CSMD1: variants seen among roughly 807,000 people sequenced by gnomAD.
CSMD1 encodes CUB and sushi domain-containing protein 1.
CSMD1 carries 213 observed loss-of-function variants against 417.5 expected under a neutral mutation model. That is an observed-to-expected ratio of 0.51 (90% CI 0.46 to 0.57). The LOEUF is 0.57. CSMD1 is among the 20% of genes least tolerant of loss of function. The pLI is 0.00. For synonymous variants in CSMD1, 2,862 were observed against 1,736.8 expected (o/e 1.65, Z -16.11); for missense variants, 6,923 against 4,529.7 (o/e 1.53, Z -15.17).
intron 5 of CSMD1, among the ~76,000 whole-genome samples, chr8:3,977,759 G>T (rs149519589): frequency 6.6e-6 from 1 of 152,190 alleles, no homozygotes; most frequent in East Asian, 1.9e-4. Flanking sequence ...TTGTGAATCT[G>T]CATGTATGCT....
intron 3 of CSMD1, among the ~76,000 whole-genome samples, chr8:4,174,014 C>A (rs13274585): frequency 0.32 from 48,030 of 152,024 alleles, 9,492 homozygotes; most frequent in Non-Finnish European, 0.42. Context: ...GGATCAATCA[C>A]CATGGCCAAG....
At chr8:3,257,834 A>C (rs1473628085) in intron 26 of CSMD1, among the ~76,000 whole-genome samples, 2 of 152,174 alleles carry the variant, frequency 1.3e-5, no homozygotes, top group Non-Finnish European at 2.9e-5. Flanking sequence ...AATTGCAGGC[A>C]GCTGCAAGGG....
At chr8:4,680,948 T>A (rs951942017) in intron 1 of CSMD1, among the ~76,000 whole-genome samples, 3 of 111,384 alleles carry the variant, frequency 2.7e-5, no homozygotes, top group Non-Finnish European at 5.6e-5. Flanking sequence ...CTATCTATAT[T>A]GATGTGTGTG....
At chr8:4,917,497 G>T (rs1409063225) in intron 1 of CSMD1, among the ~76,000 whole-genome samples, 1 of 152,096 alleles carries the variant, frequency 6.6e-6, no homozygotes, top group Non-Finnish European at 1.5e-5. Context: ...AGCCGGGCAT[G>T]GTGGCGGGTG....
intron 5 of CSMD1, among the ~76,000 whole-genome samples, chr8:3,936,221 G>C (rs1490708560): frequency 1.3e-5 from 2 of 151,324 alleles, no homozygotes; most frequent in Non-Finnish European, 2.9e-5. Context: ...ACATAAAAGG[G>C]CAAGGTAAAG....
At chr8:3,237,582 A>G (rs1360797266) in intron 26 of CSMD1, among the ~76,000 whole-genome samples, 1 of 145,806 alleles carries the variant, frequency 6.9e-6, no homozygotes, top group East Asian at 2.0e-4. Context: ...TAATTTTTAT[A>G]CTTATACTAT....
intron 3 of CSMD1, among the ~76,000 whole-genome samples, chr8:4,059,975 G>A (rs1798886962): frequency 6.6e-6 from 1 of 152,190 alleles, no homozygotes; most frequent in South Asian, 2.1e-4. Context: ...CCAAAGCCGG[G>A]CAGAGACACA....
Position 4,561,510 on chromosome 8 carries a change from C to G in CSMD1, c.302+75832G>C, listed in dbSNP as rs914509989. The stretch of plus-strand genomic sequence containing the variant: ...CCACCCTGGGCAACATGGTGAAACC[C>G]TGTCTCTACCAAAACAGAAAAATTA... On this transcript the variant is annotated intron_variant, in intron 2 of 69. Transcript: ENST00000635120. Among the ~76,000 whole-genome samples, 3 of 152,172 alleles carry G rather than the reference C, an allele frequency of 2.0e-5. No individual in the cohort carries two copies. In the South Asian group the frequency reaches 6.2e-4, roughly 32 times the overall value.
At chr8:3,473,015 T>G (rs375622672) in intron 11 of CSMD1, among the ~76,000 whole-genome samples, 1 of 152,082 alleles carries the variant, frequency 6.6e-6, no homozygotes, top group African/African-American at 2.4e-5. Context: ...TAACTCTGTC[T>G]CCTGGTTCTG....
chr8:3,533,216 T>G (rs923333398), intron 10 of CSMD1, among the ~76,000 whole-genome samples: 1 of 152,172 alleles, frequency 6.6e-6, no homozygotes, highest in East Asian at 1.9e-4. Context: ...CAGATGCCTA[T>G]TTTCTGTATT....
chr8:3,632,567 A>C (rs138091363), intron 7 of CSMD1, among the ~76,000 whole-genome samples: 1 of 152,226 alleles, frequency 6.6e-6, no homozygotes, highest in African/African-American at 2.4e-5. Context: ...TTTTTTAAAA[A>C]ATTGCATAAA....
chr8:3,147,425 T>C (rs1818910498), intron 40 of CSMD1, among the ~76,000 whole-genome samples: 1 of 152,226 alleles, frequency 6.6e-6, no homozygotes, highest in Non-Finnish European at 1.5e-5. Flanking sequence ...GAAAGTGCTC[T>C]TCTATAAATT....
At chr8:4,553,944 G>A (rs1012756261) in intron 2 of CSMD1, among the ~76,000 whole-genome samples, 10 of 152,100 alleles carry the variant, frequency 6.6e-5, no homozygotes, top group African/African-American at 2.2e-4. Flanking sequence ...CAATGTGAAG[G>A]AGTCCATTTA....
At chr8:3,946,529 G>A (rs1353336745) in intron 5 of CSMD1, among the ~76,000 whole-genome samples, 4 of 152,016 alleles carry the variant, frequency 2.6e-5, no homozygotes, top group African/African-American at 9.7e-5. Flanking sequence ...AATTTCATAT[G>A]AATTTTACAA....
chr8:4,906,262 C>A (rs1805269253), intron 1 of CSMD1, among the ~76,000 whole-genome samples: 1 of 152,158 alleles, frequency 6.6e-6, no homozygotes, highest in South Asian at 2.1e-4. Flanking sequence ...GAACTCTTTT[C>A]CAAGTAAATA....
intron 1 of CSMD1, among the ~76,000 whole-genome samples, chr8:4,839,981 G>A (rs1032689341): frequency 6.6e-6 from 1 of 152,142 alleles, no homozygotes; most frequent in African/African-American, 2.4e-5. Flanking sequence ...GTGTAAAATA[G>A]GAATGTGGAA....
At chr8:3,999,001 T>C (rs1022435323) in intron 4 of CSMD1, among the ~76,000 whole-genome samples, 9 of 149,050 alleles carry the variant, frequency 6.0e-5, no homozygotes, top group Non-Finnish European at 8.9e-5. Context: ...ATAGTTTATA[T>C]ATAAATAACA....
At chr8:4,237,329 ATAAAC>A (rs1802127111) in intron 3 of CSMD1, among the ~76,000 whole-genome samples, 1 of 152,070 alleles carries the variant, frequency 6.6e-6, no homozygotes. Flanking sequence ...TGAACAGTAA[ATAAAC>A]TAATCCTTCA....
intron 65 of CSMD1, among the ~76,000 whole-genome samples, chr8:2,952,198 T>G (rs1267031819): frequency 6.6e-6 from 1 of 152,208 alleles, no homozygotes; most frequent in Non-Finnish European, 1.5e-5. Flanking sequence ...ATTATTTAAT[T>G]AGATAAGATT....
Sources: allele counts gnomAD v4.1 joint callset (sites outside exome capture counted in the v4.1 genomes callset), GRCh38; gene constraint gnomAD v4.1.1; transcripts MANE v1.5; gene names NCBI Gene and HGNC (gene_info 2026-07-23, HGNC 2026-07-21).